The following TNRC18 variants were observed in gnomAD, a reference collection of about 807,000 sequenced individuals.
TNRC18 encodes the protein trinucleotide repeat-containing gene 18 protein.
Under a neutral mutation model 226.7 loss-of-function variants are expected in TNRC18, and 69 were observed. The ratio of observed to expected loss-of-function variants is 0.30; its 90% CI spans 0.25 to 0.37. The LOEUF is 0.37. TNRC18 is among the 10% of genes least tolerant of loss of function. The pLI is 1.00. For synonymous variants in TNRC18, 2,449 were observed against 1,927.6 expected (o/e 1.27, Z -7.09); for missense variants, 4,754 against 4,256.6 (o/e 1.12, Z -3.25).
rs148761719 is a variant in TNRC18 at position 5,351,123 on chromosome 7, CA to C, written c.5470+695del. Reference sequence around the variant, plus strand: ...AAATGAAATGAATGCCAATCGCTACCAGGGATATTTGAATAACACAGGCAAG... The same window carrying C: ...AAATGAAATGAATGCCAATCGCTACCGGGATATTTGAATAACACAGGCAAG... On this transcript the variant is annotated intron_variant, in intron 17 of 29. Transcript: ENST00000430969. Among the ~76,000 whole-genome samples the C allele has an allele frequency of 2.8e-3, 424 of 152,092 alleles. 1 individual carries two copies. The highest frequency in any genetic ancestry group is 0.01 in the African/African-American group (418 of 41,472).
intron 11 of TNRC18, among the ~76,000 whole-genome samples, chr7:5,364,363 C>CTT (rs2128164683): frequency 6.6e-6 from 1 of 152,008 alleles, no homozygotes; most frequent in African/African-American, 2.4e-5. Context: ...GAGGCTGAGG[C>CTT]AAGAAGATCA....
chr7:5,359,367 TCTC>T (rs767122255), intron 15 of TNRC18, 28 bp downstream of exon 15: 1 of 1,612,192 alleles, frequency 6.2e-7, no homozygotes, highest in Non-Finnish European at 8.5e-7. Flanking sequence ...CCCTGAAAGA[TCTC>T]ACACACCTGG....
At chr7:5,381,429 TCCA>T (rs571052903) in intron 5 of TNRC18, among the ~76,000 whole-genome samples, 156 of 152,134 alleles carry the variant, frequency 1.0e-3, no homozygotes, top group Non-Finnish European at 1.3e-4. Flanking sequence ...CACCTGGACC[TCCA>T]CCATCAGAGC....
At chr7:5,391,035 A>G (rs534928968) in intron 3 of TNRC18, among the ~76,000 whole-genome samples, 24 of 152,332 alleles carry the variant, frequency 1.6e-4, no homozygotes, top group Non-Finnish European at 3.1e-4. Context: ...AAGACGATAC[A>G]GCAGAGCTGC....
rs375702062 is a variant in TNRC18, at chr7:5,343,237, C to T, written c.5719+2325G>A. Among the ~76,000 whole-genome samples, 62 of 135,396 alleles carry T rather than the reference C, an allele frequency of 4.6e-4. 1 individual carries two copies. Among genetic ancestry groups the T allele is most frequent in the African/African-American group, 1.5e-3 (61 of 40,152 alleles). The allele number at this position is 135,396 out of a possible 152,430, so 88.8% of individuals were successfully genotyped here. ...GGCGTGGTGGTGTGTGCTTGTAATCCCAGCTACTCGGGAGGCTGAGGCAGG... is the reference window on the plus strand; with the variant it reads ...GGCGTGGTGGTGTGTGCTTGTAATCTCAGCTACTCGGGAGGCTGAGGCAGG... On this transcript the variant is annotated intron_variant, in intron 18 of 29. Coordinates refer to ENST00000430969, the MANE Select transcript of TNRC18 (RefSeq NM_001080495.3).
intron 16 of TNRC18, 123 bp downstream of exon 16, chr7:5,356,793 C>A: frequency 7.3e-7 from 1 of 1,365,470 alleles, no homozygotes; most frequent in Non-Finnish European, 9.7e-7. Context: ...GTAGTGCGCC[C>A]CAGAGAGAGA....
intron 14 of TNRC18, among the ~76,000 whole-genome samples, chr7:5,361,348 G>T (rs952574240): frequency 6.6e-6 from 1 of 152,224 alleles, no homozygotes; most frequent in Non-Finnish European, 1.5e-5. Flanking sequence ...AGGAAGACAG[G>T]TGAAGCGCTG....
Position 5,308,061 on chromosome 7 carries a change from C to G in TNRC18, c.*45G>C. 6.6e-7 allele frequency: 1 copy of G among 1,521,940 alleles called. No homozygotes were observed. The highest frequency in any genetic ancestry group is 1.4e-5 in the African/African-American group (1 of 72,390). 94.3% of individuals were successfully genotyped at this position (1,521,940 alleles called of 1,614,324 possible). ...GCCATGGCAGTGATGGAGATGGGTC[C>G]CTGGCCGCCCTCGGGGCACAGGTGG... On this transcript the variant is annotated 3_prime_UTR_variant, in exon 30 of 30. Coordinates refer to ENST00000430969, the MANE Select transcript of TNRC18 (RefSeq NM_001080495.3).
At chr7:5,414,369 G>C (rs181555611) in intron 2 of TNRC18, among the ~76,000 whole-genome samples, 14 of 151,534 alleles carry the variant, frequency 9.2e-5, no homozygotes, top group Admixed American at 1.3e-4. Context: ...CCGAGGACAA[G>C]TTGTAGACTC....
rs191713753 is a variant in TNRC18 at position 5,346,139 on chromosome 7, G to A, written c.5471-329C>T. On this transcript the variant is annotated intron_variant, in intron 17 of 29. Transcript: ENST00000430969. The stretch of plus-strand genomic sequence containing the variant: ...CACACGGACAAGGACTGGAGACAGC[G>A]TTCTCCACAGTCACACGCGCACACG... Among the ~76,000 whole-genome samples, 5 of 152,366 alleles carry A rather than the reference G, an allele frequency of 3.3e-5. No homozygotes were observed. The East Asian group carries it at 5.8e-4, about 18-fold the overall frequency.
intron 18 of TNRC18, among the ~76,000 whole-genome samples, chr7:5,342,075 A>C (rs997206135): frequency 1.3e-5 from 2 of 152,218 alleles, no homozygotes; most frequent in Non-Finnish European, 2.9e-5. Flanking sequence ...TACAGCTGCC[A>C]CGGATGATGA....
intron 2 of TNRC18, among the ~76,000 whole-genome samples, chr7:5,405,275 A>G (rs985674242): frequency 6.6e-6 from 1 of 152,074 alleles, no homozygotes. Context: ...TAAAAATACA[A>G]AAGTTAGCCA....
At chr7:5,386,849 C>A (rs1011307391) in intron 5 of TNRC18, among the ~76,000 whole-genome samples, 2 of 152,068 alleles carry the variant, frequency 1.3e-5, no homozygotes, top group Admixed American at 6.6e-5. Context: ...CTGAGATGGG[C>A]GGATCACCTG....
At position 5,376,873 on chromosome 7, in the gene TNRC18, A is replaced by G. The variant is rs1350627100; in HGVS notation, c.2582T>C (p.Ile861Thr). The change falls in exon 8 of 30, where the codon ATT becomes ACT. Residue 861 changes from isoleucine to threonine, a missense_variant. Physicochemically the swap from Ile to Thr is moderately conservative, Grantham distance 89. Transcript: ENST00000430969. ...RDPQSGQLVVIPSDHLPHFAE... is the reference protein window; with the variant it reads ...RDPQSGQLVVTPSDHLPHFAE... ...AAAGTGAGGAAGGTGATCACTGGGA[A>G]TGACCACCAGCTGGCCCGATTGGGG... 1 of 1,611,824 alleles carries G rather than the reference A, an allele frequency of 6.2e-7. No individual in the cohort carries two copies. The highest frequency in any genetic ancestry group is 8.5e-7 in the Non-Finnish European group (1 of 1,179,000).
chr7:5,388,006 G>A lies in TNRC18; in HGVS notation c.1818C>T (p.Gly606=), dbSNP rs1364525306. ...CTCCAAAGGGGCTCTTCTTGCCACA[G>A]CCACCAGGGCGCACGGCCACGGCGT... ...ARDAVAVRPG[G]CGKKSPFGGL... is the part of the protein sequence containing the mutation. Residue 606 remains glycine, a synonymous_variant, in exon 5 of 30, where the codon GGC becomes GGT. Transcript: ENST00000430969. 2.5e-6 allele frequency: 4 copies of A among 1,582,826 alleles called. No individual in the cohort carries two copies. Among genetic ancestry groups the A allele is most frequent in the African/African-American group, 2.7e-5 (2 of 74,262 alleles).
chr7:5,419,145 C>T (rs1167704068), intron 2 of TNRC18, among the ~76,000 whole-genome samples: 2 of 152,240 alleles, frequency 1.3e-5, no homozygotes, highest in Non-Finnish European at 2.9e-5. Context: ...GGTGGCTTGG[C>T]CTTCCCTCCA....
At chr7:5,413,127 TA>T (rs1781946548) in intron 2 of TNRC18, among the ~76,000 whole-genome samples, 1 of 151,858 alleles carries the variant, frequency 6.6e-6, no homozygotes, top group East Asian at 1.9e-4. Context: ...GCCCATCCCG[TA>T]AAAAGCTGAG....
intron 2 of TNRC18, chr7:5,420,687 G>A (rs1051130217): frequency 2.0e-6 from 1 of 507,300 alleles, no homozygotes; most frequent in African/African-American, 1.9e-5. Flanking sequence ...TTCGAGCTCG[G>A]GGAGCGGGTG....
chr7:5,350,564 G>C (rs1036058927), intron 17 of TNRC18, among the ~76,000 whole-genome samples: 3 of 152,174 alleles, frequency 2.0e-5, no homozygotes, highest in Admixed American at 6.5e-5. Flanking sequence ...GGGCCTGGGG[G>C]ATCCCCTCAG....
Sources: gnomAD v4.1 joint callset for allele counts (sites outside exome capture counted in the v4.1 genomes callset) on GRCh38, gnomAD v4.1.1 for gene constraint, MANE v1.5 for transcripts, NCBI Gene and HGNC (gene_info 2026-07-23, HGNC 2026-07-21) for gene names.